WDPCP: variants seen among roughly 807,000 people sequenced by gnomAD.
WDPCP encodes the protein WD repeat containing planar cell polarity effector.
In WDPCP, 71 loss-of-function variants were observed where a neutral mutation model predicts 93.1. The observed-to-expected ratio is 0.76, with a 90% CI of 0.63 to 0.93. The LOEUF (loss-of-function observed/expected upper bound fraction) is 0.93, where lower values mean the gene tolerates loss of function less well. WDPCP is among the 40% of genes least tolerant of loss of function. The probability of loss-of-function intolerance (pLI) is 0.00; values close to 1 mark genes in which losing one functional copy is unlikely to be tolerated. For synonymous variants in WDPCP, 315 were observed against 315.0 expected (o/e 1.00, Z 0.00); for missense variants, 844 against 887.4 (o/e 0.95, Z 0.62).
At chr2:63,510,818 CA>C (rs753882720) in intron 1 of WDPCP, among the ~76,000 whole-genome samples, 3 of 151,396 alleles carry the variant, frequency 2.0e-5, no homozygotes, top group African/African-American at 7.3e-5. Flanking sequence ...TAAAAAATAC[CA>C]AAAAAAATTC....
At chr2:63,363,747 T>TA (rs398104365) in intron 12 of WDPCP, among the ~76,000 whole-genome samples, 2 of 152,032 alleles carry the variant, frequency 1.3e-5, no homozygotes, top group African/African-American at 4.8e-5. Context: ...TATATTTTTT[T>TA]AACTACTTAA....
intron 1 of WDPCP, among the ~76,000 whole-genome samples, chr2:63,581,091 AAG>A (rs1328857964): frequency 6.6e-6 from 1 of 152,196 alleles, no homozygotes; most frequent in Non-Finnish European, 1.5e-5. Context: ...CTGAGCTTGT[AAG>A]AGAGAGCACT....
chr2:63,182,580 C>CAG (rs1674328748), intron 14 of WDPCP, among the ~76,000 whole-genome samples: 1 of 151,844 alleles, frequency 6.6e-6, no homozygotes. Flanking sequence ...CTATGTTCAT[C>CAG]AGAGATTTTG....
At chr2:63,587,208 A>G (rs886779644) in intron 1 of WDPCP, among the ~76,000 whole-genome samples, 1 of 152,218 alleles carries the variant, frequency 6.6e-6, no homozygotes, top group African/African-American at 2.4e-5. Context: ...CATTAAAAGT[A>G]GCATTTGAAG....
intron 2 of WDPCP, among the ~76,000 whole-genome samples, chr2:63,701,852 G>A (rs879433433): frequency 6.6e-6 from 1 of 152,192 alleles, no homozygotes; most frequent in Non-Finnish European, 1.5e-5. Flanking sequence ...ACCAGAAAGG[G>A]TGGGGTGAGG....
At chr2:63,273,209 C>T (rs1682792110) in intron 13 of WDPCP, among the ~76,000 whole-genome samples, 1 of 151,976 alleles carries the variant, frequency 6.6e-6, no homozygotes, top group Admixed American at 6.6e-5. Context: ...TGAGGGAATT[C>T]ATCACCACTA....
chr2:63,642,446 T>A (rs1394531827), intron 3 of WDPCP: 6 of 139,088 alleles, frequency 4.3e-5, no homozygotes, highest in Non-Finnish European at 7.6e-5. Flanking sequence ...TCCATGAACA[T>A]GAAGTATCTT....
chr2:63,569,070 A>T (rs905539401), intron 1 of WDPCP, among the ~76,000 whole-genome samples: 1 of 152,250 alleles, frequency 6.6e-6, no homozygotes, highest in South Asian at 2.1e-4. Context: ...AACTGGAAAC[A>T]ACCTAAATAT....
chr2:63,700,295 A>C (rs1558887415), intron 2 of WDPCP, among the ~76,000 whole-genome samples: 1 of 146,476 alleles, frequency 6.8e-6, no homozygotes, highest in Non-Finnish European at 1.5e-5. Context: ...AAAAAAAAAA[A>C]AAAAAAAACA....
intron 15 of WDPCP, among the ~76,000 whole-genome samples, chr2:63,164,941 AGAGAAGGC>A (rs1238516243): frequency 7.2e-5 from 11 of 152,192 alleles, no homozygotes; most frequent in African/African-American, 2.4e-4. Flanking sequence ...ACTTAACACA[AGAGAAGGC>A]AATAAGTGAG....
intron 2 of WDPCP, among the ~76,000 whole-genome samples, chr2:63,742,691 C>A (rs189500190): frequency 6.8e-6 from 1 of 147,660 alleles, no homozygotes; most frequent in African/African-American, 2.5e-5. Flanking sequence ...AAGACCCATA[C>A]GAGATGACAT....
chr2:63,812,117 G>A (rs1261945232), intron 2 of WDPCP, among the ~76,000 whole-genome samples: 1 of 151,896 alleles, frequency 6.6e-6, no homozygotes, highest in Admixed American at 6.6e-5. Context: ...CTCCTGCCTC[G>A]GCATCCCAAA....
At chr2:63,461,554 T>C (rs1417664581) in intron 6 of WDPCP, among the ~76,000 whole-genome samples, 1 of 152,158 alleles carries the variant, frequency 6.6e-6, no homozygotes, top group Non-Finnish European at 1.5e-5. Flanking sequence ...CTCAAGTATT[T>C]CTTTATAGCA....
chr2:63,418,415 G>A (rs1172736869), intron 9 of WDPCP, among the ~76,000 whole-genome samples: 1 of 152,184 alleles, frequency 6.6e-6, no homozygotes, highest in Non-Finnish European at 1.5e-5. Flanking sequence ...ATAGTGGTTG[G>A]TGACATTAGT....
intron 17 of WDPCP, among the ~76,000 whole-genome samples, chr2:63,131,621 A>G (rs1173907020): frequency 6.6e-6 from 1 of 152,112 alleles, no homozygotes; most frequent in Non-Finnish European, 1.5e-5. Flanking sequence ...ATAACACAGG[A>G]TTCTATAGTT....
chr2:63,423,604 A>C (rs1001745564), intron 9 of WDPCP, among the ~76,000 whole-genome samples: 2 of 152,156 alleles, frequency 1.3e-5, no homozygotes, highest in Non-Finnish European at 2.9e-5. Flanking sequence ...TTACCACCAT[A>C]CTCAGAAAGC....
chr2:63,131,375 T>A (rs1218106482), intron 17 of WDPCP, among the ~76,000 whole-genome samples: 1 of 152,174 alleles, frequency 6.6e-6, no homozygotes, highest in Non-Finnish European at 1.5e-5. Context: ...TTTTTCTTGG[T>A]GGCTAGCATT....
At chr2:63,308,685 C>A (rs1685941613) in intron 13 of WDPCP, among the ~76,000 whole-genome samples, 1 of 151,904 alleles carries the variant, frequency 6.6e-6, no homozygotes, top group Non-Finnish European at 1.5e-5. Flanking sequence ...TAAGTGGGAG[C>A]TGAAGAGTGA....
the WDPCP span, among the ~76,000 whole-genome samples, chr2:63,840,789 A>G: frequency 3.3e-5 from 5 of 152,150 alleles, no homozygotes; most frequent in African/African-American, 1.2e-4. Context: ...CGCCGCCGTA[A>G]GTGCTGCTCC....
Sources: gnomAD v4.1 joint callset for allele counts (sites outside exome capture counted in the v4.1 genomes callset) on GRCh38, gnomAD v4.1.1 for gene constraint, MANE v1.5 for transcripts, NCBI Gene and HGNC (gene_info 2026-07-23, HGNC 2026-07-21) for gene names.